The following HPSE2 variants were observed in gnomAD, a reference collection of about 807,000 sequenced individuals.
HPSE2 encodes heparanase 2 (inactive), also known as inactive heparanase-2.
A neutral mutation model predicts 60.5 loss-of-function variants in HPSE2; 38 were observed. That is an observed-to-expected ratio of 0.63 (90% CI 0.48 to 0.82). The LOEUF is 0.82. HPSE2 is among the 40% of genes least tolerant of loss of function. The pLI is 0.00. For synonymous variants in HPSE2, 295 were observed against 293.2 expected, an observed-to-expected ratio of 1.01 and a Z score of -0.06; for missense variants, 713 against 740.4, an observed-to-expected ratio of 0.96 and a Z score of 0.43.
Position 98,630,555 on chromosome 10 carries a change from AT to A in HPSE2, c.1099-9848del, listed in dbSNP as rs760406561. 3.0e-3 allele frequency among the ~76,000 whole-genome samples: 446 copies of A among 147,780 alleles called. 3 individuals are homozygous for A. Among genetic ancestry groups the A allele is most frequent in the African/African-American group, 0.01 (416 of 40,194 alleles). On this transcript the variant is annotated intron_variant, in intron 7 of 11. Coordinates refer to ENST00000370552, the MANE Select transcript of HPSE2 (RefSeq NM_021828.5). ...CTCACTTCTCATCCACATTGTTTTG[AT>A]TTTTTTTTTCAAGCCTATTTCAAAT...
At chr10:98,724,863 A>C (rs1589713410) in intron 4 of HPSE2, among the ~76,000 whole-genome samples, 1 of 152,170 alleles carries the variant, frequency 6.6e-6, no homozygotes, top group African/African-American at 2.4e-5. Flanking sequence ...CAGAGAGCCA[A>C]ATCATGAGTG....
intron 3 of HPSE2, among the ~76,000 whole-genome samples, chr10:98,951,556 G>A (rs745307856): frequency 6.6e-6 from 1 of 152,206 alleles, no homozygotes. Flanking sequence ...AAAGCCTAGT[G>A]TAGTTGACTT....
At chr10:98,975,140 T>A (rs192127397) in intron 3 of HPSE2, among the ~76,000 whole-genome samples, 9 of 152,318 alleles carry the variant, frequency 5.9e-5, no homozygotes, top group Non-Finnish European at 8.8e-5. Flanking sequence ...TCACTTTTGT[T>A]TGGGTGACTG....
At chr10:98,704,156 C>T (rs11189760) in intron 5 of HPSE2, among the ~76,000 whole-genome samples, 28,305 of 151,982 alleles carry the variant, frequency 0.19, 3,049 homozygotes, top group East Asian at 0.39. Flanking sequence ...AACTCCTATT[C>T]GCAATTGCTA....
At chr10:98,849,068 T>C (rs1310644895) in intron 3 of HPSE2, among the ~76,000 whole-genome samples, 1 of 150,654 alleles carries the variant, frequency 6.6e-6, no homozygotes, top group Non-Finnish European at 1.5e-5. Flanking sequence ...ATTGTTCACA[T>C]AGGGCAGTGA....
At chr10:99,313,590 C>A in the HPSE2 span, among the ~76,000 whole-genome samples, 3 of 88,742 alleles carry the variant, frequency 3.4e-5, no homozygotes, top group South Asian at 5.0e-4. Flanking sequence ...TGACTGACTC[C>A]AATTTTTTTT....
intron 9 of HPSE2, among the ~76,000 whole-genome samples, chr10:98,562,392 G>A (rs1217707848): frequency 2.0e-5 from 3 of 152,166 alleles, no homozygotes; most frequent in Non-Finnish European, 4.4e-5. Flanking sequence ...CTGAGAGCAT[G>A]GAAAGGCAGA....
chr10:98,612,162 A>G (rs751017411), intron 9 of HPSE2, among the ~76,000 whole-genome samples: 1 of 152,112 alleles, frequency 6.6e-6, no homozygotes, highest in Non-Finnish European at 1.5e-5. Flanking sequence ...CTTCTCTCCA[A>G]TTTCTCAACA....
At chr10:98,595,392 G>A (rs560403765) in intron 9 of HPSE2, among the ~76,000 whole-genome samples, 52 of 151,950 alleles carry the variant, frequency 3.4e-4, no homozygotes, top group African/African-American at 8.7e-4. Flanking sequence ...GGATGGTCTC[G>A]CTCTCCTGAC....
chr10:99,145,184 T>A (rs545627589), intron 2 of HPSE2, among the ~76,000 whole-genome samples: 2 of 152,274 alleles, frequency 1.3e-5, no homozygotes, highest in East Asian at 3.9e-4. Flanking sequence ...CAGCCAGGCG[T>A]GGTGGCTCAC....
intron 9 of HPSE2, among the ~76,000 whole-genome samples, chr10:98,490,837 A>T (rs1245114070): frequency 6.6e-6 from 1 of 152,232 alleles, no homozygotes; most frequent in Non-Finnish European, 1.5e-5. Flanking sequence ...AAAGAATGTG[A>T]TGCTTTAATC....
intron 3 of HPSE2, among the ~76,000 whole-genome samples, chr10:99,136,947 A>G (rs1845682214): frequency 6.6e-6 from 1 of 152,220 alleles, no homozygotes; most frequent in Non-Finnish European, 1.5e-5. Context: ...GAGGAAGTCA[A>G]ATTGTCTCTG....
chr10:99,299,114 G>T, the HPSE2 span, among the ~76,000 whole-genome samples: 1 of 152,044 alleles, frequency 6.6e-6, no homozygotes, highest in Admixed American at 6.6e-5. Context: ...CCCATAGGAG[G>T]TCTGTGCTCC....
the HPSE2 span, among the ~76,000 whole-genome samples, chr10:99,261,941 A>G: frequency 1.2e-3 from 188 of 152,194 alleles, 5 homozygotes; most frequent in Non-Finnish European, 3.4e-4. Flanking sequence ...CCATCTTTGC[A>G]GGACCCCACT....
chr10:99,064,699 CATA>C (rs1455850270), intron 3 of HPSE2, among the ~76,000 whole-genome samples: 1 of 148,938 alleles, frequency 6.7e-6, no homozygotes, highest in African/African-American at 2.5e-5. Context: ...TAAAAAAAAG[CATA>C]ATATTATTCT....
intron 5 of HPSE2, among the ~76,000 whole-genome samples, chr10:98,720,337 A>C (rs1267085993): frequency 1.3e-5 from 2 of 152,012 alleles, no homozygotes; most frequent in Non-Finnish European, 2.9e-5. Flanking sequence ...TACTAACCAA[A>C]TTTGGGGGAT....
At chr10:99,192,865 G>T (rs1174410171) in intron 2 of HPSE2, among the ~76,000 whole-genome samples, 1 of 151,940 alleles carries the variant, frequency 6.6e-6, no homozygotes, top group African/African-American at 2.4e-5. Context: ...ATCAATACCA[G>T]ACCTGTCCTA....
chr10:99,218,862 A>G (rs1564902444), intron 2 of HPSE2, among the ~76,000 whole-genome samples: 1 of 152,088 alleles, frequency 6.6e-6, no homozygotes, highest in African/African-American at 2.4e-5. Context: ...TCCTAAGTCT[A>G]CTCTTCCAAG....
intron 6 of HPSE2, among the ~76,000 whole-genome samples, chr10:98,655,876 A>G (rs1228420141): frequency 6.6e-6 from 1 of 152,114 alleles, no homozygotes; most frequent in Non-Finnish European, 1.5e-5. Flanking sequence ...CCCTTTCCAG[A>G]TCCAAGACTC....
Sources: gnomAD v4.1 joint callset for allele counts (sites outside exome capture counted in the v4.1 genomes callset) on GRCh38, gnomAD v4.1.1 for gene constraint, MANE v1.5 for transcripts, NCBI Gene and HGNC (gene_info 2026-07-23, HGNC 2026-07-21) for gene names.